The following CLUL1 variants were observed in gnomAD, a reference collection of about 807,000 sequenced individuals.
The protein encoded by CLUL1 is clusterin-like protein 1.
A neutral mutation model predicts 49.4 loss-of-function variants in CLUL1; 43 were observed. The observed-to-expected ratio is 0.87, with a 90% CI of 0.68 to 1.12. The LOEUF (loss-of-function observed/expected upper bound fraction) is 1.12. CLUL1 is among the 50% of genes most tolerant of loss of function. The pLI is 0.00. For synonymous variants in CLUL1, 192 were observed against 184.9 expected (o/e 1.04, Z -0.31); for missense variants, 486 against 544.4 (o/e 0.89, Z 1.07).
At position 644,530 on chromosome 18, in the gene CLUL1, T is replaced by C. The variant is rs115860006; in HGVS notation, c.1210-380T>C. Among the ~76,000 whole-genome samples the C allele has an allele frequency of 6.4e-3, 978 of 152,364 alleles. 10 individuals are homozygous for C. The highest frequency in any genetic ancestry group is 0.022 in the African/African-American group (931 of 41,576). ...CTCCCCTTGTGGTTAAACGTTGCCA[T>C]GTGGCAAGTTCTGGCCAGTGAAGCG... is the stretch of plus-strand genomic sequence containing the variant. On this transcript the variant is annotated intron_variant, in intron 8 of 9. Coordinates refer to ENST00000692774, the MANE Select transcript of CLUL1 (RefSeq NM_001393344.1).
At position 645,792 on chromosome 18, in the gene CLUL1, T is replaced by TAAAAAAAAAAAA. The variant is rs869103727; in HGVS notation, c.1397+703_1397+714dup. ...CTGGGCGACAGAGCGAGACTCTGTT[T>TAAAAAAAAAAAA]AAAAAAAAAAAAAAAAAAATATATA... On this transcript the variant is annotated intron_variant, in intron 9 of 9. Coordinates refer to ENST00000692774, the MANE Select transcript of CLUL1 (RefSeq NM_001393344.1). Among the ~76,000 whole-genome samples the TAAAAAAAAAAAA allele has an allele frequency of 1.1e-3, 18 of 16,088 alleles. 2 individuals carry two copies. Among genetic ancestry groups the TAAAAAAAAAAAA allele is most frequent in the African/African-American group, 3.3e-3 (13 of 3,912 alleles). The allele number at this position is 16,088 out of a possible 152,430, so 10.6% of individuals were successfully genotyped here.
chr18:609,911 C>T lies in CLUL1; in HGVS notation c.-14+2812C>T, dbSNP rs115440741. On this transcript the variant is annotated intron_variant, in intron 2 of 9. Transcript: ENST00000692774. ...GTGTGTTCAAGCTGAAAAGAAAATC[C>T]GATTTGCTCAGGACAAACTTAACAA... is the stretch of plus-strand genomic sequence containing the variant. 8.3e-3 allele frequency among the ~76,000 whole-genome samples: 1,259 copies of T among 151,750 alleles called. 22 individuals are homozygous for T. The highest frequency in any genetic ancestry group is 0.029 in the African/African-American group (1,201 of 41,368).
chr18:645,792 T>TAAAAAAAAAAAAA lies in CLUL1; in HGVS notation c.1397+702_1397+714dup, dbSNP rs869103727. Among the ~76,000 whole-genome samples the TAAAAAAAAAAAAA allele has an allele frequency of 1.7e-3, 27 of 16,088 alleles. 11 individuals carry two copies. Among genetic ancestry groups the TAAAAAAAAAAAAA allele is most frequent in the African/African-American group, 3.8e-3 (15 of 3,914 alleles). 10.6% of individuals were successfully genotyped at this position (16,088 alleles called of 152,430 possible). A position where few individuals can be genotyped will look rare whatever the true frequency, so the allele number is the denominator to read the frequency against. ...CTGGGCGACAGAGCGAGACTCTGTT[T>TAAAAAAAAAAAAA]AAAAAAAAAAAAAAAAAAATATATA... On this transcript the variant is annotated intron_variant, in intron 9 of 9. Coordinates refer to ENST00000692774, the MANE Select transcript of CLUL1 (RefSeq NM_001393344.1).
chr18:607,772 A>T (rs2143942614), intron 2 of CLUL1, among the ~76,000 whole-genome samples: 1 of 152,150 alleles, frequency 6.6e-6, no homozygotes, highest in South Asian at 2.1e-4. Context: ...TATATTGCCC[A>T]GGCTGGTCTC....
At chr18:619,156 C>T in intron 3 of CLUL1, 57 bp from the exon 4 acceptor site, 1 of 1,527,072 alleles carries the variant, frequency 6.5e-7, no homozygotes, top group South Asian at 1.2e-5. Context: ...GGTTGGTGAA[C>T]TTGGTGTTTT....
intron 7 of CLUL1, among the ~76,000 whole-genome samples, chr18:634,227 T>C (rs1366004520): frequency 6.6e-6 from 1 of 152,152 alleles, no homozygotes; most frequent in East Asian, 1.9e-4. Flanking sequence ...CCTCTCGGGT[T>C]CAAGCAATTC....
At chr18:642,892 T>G (rs2074382671) in intron 8 of CLUL1, among the ~76,000 whole-genome samples, 1 of 152,212 alleles carries the variant, frequency 6.6e-6, no homozygotes, top group Admixed American at 6.5e-5. Context: ...CTTGCTTAGC[T>G]TCTTTCACTT....
chr18:641,995 C>T (rs1006459497), intron 8 of CLUL1, among the ~76,000 whole-genome samples: 13 of 152,158 alleles, frequency 8.5e-5, no homozygotes, highest in Admixed American at 5.2e-4. Context: ...GCTATCTTAA[C>T]GTGTACACCT....
chr18:610,879 T>C (rs888923059), intron 2 of CLUL1, among the ~76,000 whole-genome samples: 1 of 151,864 alleles, frequency 6.6e-6, no homozygotes, highest in Non-Finnish European at 1.5e-5. Context: ...TCTAAAAAAA[T>C]AAAAATTAAA....
chr18:648,732 C>A (rs569769376), intron 9 of CLUL1, among the ~76,000 whole-genome samples: 2 of 152,202 alleles, frequency 1.3e-5, no homozygotes, highest in Non-Finnish European at 2.9e-5. Context: ...TCTCGGCTCA[C>A]GGCAACCTCC....
chr18:648,800 G>A (rs1218477033), intron 9 of CLUL1, among the ~76,000 whole-genome samples: 1 of 152,048 alleles, frequency 6.6e-6, no homozygotes, highest in Non-Finnish European at 1.5e-5. Flanking sequence ...GGGATTACAG[G>A]TGTGCACCAC....
intron 9 of CLUL1, among the ~76,000 whole-genome samples, chr18:646,187 TA>T (rs1456153851): frequency 6.6e-6 from 1 of 151,914 alleles, no homozygotes; most frequent in Non-Finnish European, 1.5e-5. Context: ...ATGCGAGATA[TA>T]AAAATCTGGG....
intron 2 of CLUL1, among the ~76,000 whole-genome samples, chr18:615,453 G>A (rs1386046834): frequency 1.3e-5 from 2 of 152,182 alleles, no homozygotes; most frequent in Admixed American, 1.3e-4. Context: ...CAAAATTTGG[G>A]TCTGTTGAAA....
chr18:650,033 A>C lies in CLUL1; in HGVS notation c.*132A>C. 1.7e-6 allele frequency: 1 copy of C among 599,386 alleles called. No individual in the cohort carries two copies. The highest frequency in any genetic ancestry group is 2.9e-6 in the Non-Finnish European group (1 of 343,396). 37.1% of individuals were successfully genotyped at this position (599,386 alleles called of 1,614,324 possible). A position where few individuals can be genotyped will look rare whatever the true frequency, so the allele number is the denominator to read the frequency against. On this transcript the variant is annotated 3_prime_UTR_variant, in exon 10 of 10. Transcript: ENST00000692774. ...GTATGTTAGCTATATACTATGAAGT[A>C]CTCTTAGTTTACTTATGTTGAATGG...
At chr18:630,164 A>G (rs894361485) in intron 6 of CLUL1, among the ~76,000 whole-genome samples, 4 of 152,150 alleles carry the variant, frequency 2.6e-5, no homozygotes, top group Non-Finnish European at 4.4e-5. Flanking sequence ...GCTGGAGTGC[A>G]GTGGAATGAT....
In CLUL1 at chr18:632,154, A is replaced by G. The variant is rs116881609; in HGVS notation, c.857-1144A>G. On this transcript the variant is annotated intron_variant, in intron 6 of 9. Transcript: ENST00000692774. ...TCAAACACTCTATTGGGAACCGCCA[A>G]TTTTCTGTTGGATAGACTTCTCTTT... Among the ~76,000 whole-genome samples, 572 of 152,268 alleles carry G rather than the reference A, an allele frequency of 3.8e-3. 2 individuals carry two copies. The highest frequency in any genetic ancestry group is 6.7e-3 in the Non-Finnish European group (454 of 68,020).
At chr18:628,547 C>G (rs187271031) in intron 6 of CLUL1, among the ~76,000 whole-genome samples, 1 of 152,208 alleles carries the variant, frequency 6.6e-6, no homozygotes, top group East Asian at 1.9e-4. Context: ...TCCTTTGTCA[C>G]TGTATTGACC....
At chr18:617,615 A>T in intron 2 of CLUL1, among the ~76,000 whole-genome samples, 1 of 149,456 alleles carries the variant, frequency 6.7e-6, no homozygotes, top group South Asian at 2.1e-4. Context: ...AAAAAAAAAA[A>T]GAATTTTGGA....
intron 6 of CLUL1, among the ~76,000 whole-genome samples, chr18:629,727 G>A (rs974877725): frequency 6.6e-6 from 1 of 152,234 alleles, no homozygotes; most frequent in African/African-American, 2.4e-5. Flanking sequence ...AAAAAAGTCT[G>A]TGTTACACTA....
Sources: allele counts gnomAD v4.1 joint callset (sites outside exome capture counted in the v4.1 genomes callset), GRCh38; gene constraint gnomAD v4.1.1; transcripts MANE v1.5; gene names NCBI Gene and HGNC (gene_info 2026-07-23, HGNC 2026-07-21).